PAX5: variants seen among roughly 807,000 people sequenced by gnomAD.
The protein encoded by PAX5 is paired box protein Pax-5.
PAX5 carries 9 observed loss-of-function variants against 43.7 expected under a neutral mutation model. The ratio of observed to expected loss-of-function variants is 0.21; its 90% CI spans 0.12 to 0.36. The LOEUF (loss-of-function observed/expected upper bound fraction) is 0.36. Ranked by LOEUF, PAX5 falls within the 10% of genes least tolerant of loss-of-function variation. The pLI is 1.00. For missense variants in PAX5, 383 were observed against 532.7 expected, an observed-to-expected ratio of 0.72 and a Z score of 2.77; for synonymous variants, 228 against 214.3, an observed-to-expected ratio of 1.06 and a Z score of -0.56.
At chr9:37,029,235 C>T (rs921777831) in intron 1 of PAX5, among the ~76,000 whole-genome samples, 1 of 152,184 alleles carries the variant, frequency 6.6e-6, no homozygotes, top group Non-Finnish European at 1.5e-5. Flanking sequence ...TTATTCTCTG[C>T]CTCGGTTTCC....
At chr9:37,010,287 G>A (rs1182565586) in intron 3 of PAX5, among the ~76,000 whole-genome samples, 5 of 152,104 alleles carry the variant, frequency 3.3e-5, no homozygotes, top group African/African-American at 9.7e-5. Context: ...CACACTAGAC[G>A]TTCCAACAGA....
At chr9:36,922,582 A>G (rs1057123810) in intron 7 of PAX5, 9 of 152,284 alleles carry the variant, frequency 5.9e-5, no homozygotes, top group African/African-American at 2.2e-4. Flanking sequence ...GTGACCTGCC[A>G]CAGGGAGAGG....
In PAX5 at chr9:36,840,355, T is replaced by C; in HGVS notation, c.*205A>G. The C allele has an allele frequency of 1.6e-6, 1 of 625,720 alleles. No homozygotes were observed. The highest frequency in any genetic ancestry group is 1.9e-5 in the South Asian group (1 of 52,796). The allele number at this position is 625,720 out of a possible 1,614,324, so 38.8% of individuals were successfully genotyped here. Reference sequence around the variant, plus strand: ...CGGGAGAAGCTCATAGATTGGCTTTTAGAAATAGACAAGCATCCAGAAGTC... The same window carrying C: ...CGGGAGAAGCTCATAGATTGGCTTTCAGAAATAGACAAGCATCCAGAAGTC... On this transcript the variant is annotated 3_prime_UTR_variant, in exon 10 of 10. Coordinates refer to ENST00000358127, the MANE Select transcript of PAX5 (RefSeq NM_016734.3).
chr9:36,885,614 G>A (rs926249555), intron 7 of PAX5, among the ~76,000 whole-genome samples: 3 of 152,122 alleles, frequency 2.0e-5, no homozygotes, highest in Non-Finnish European at 4.4e-5. Context: ...TAAAAAGCAA[G>A]GTTTCAAACC....
At chr9:36,856,266 C>A (rs1156347853) in intron 8 of PAX5, among the ~76,000 whole-genome samples, 4 of 152,230 alleles carry the variant, frequency 2.6e-5, no homozygotes, top group Admixed American at 6.5e-5. Context: ...TAGTGAAACA[C>A]CAGTCCCGAT....
rs1841297179 is a variant in PAX5 at position 37,034,098 on chromosome 9, C to CTTTCTTTTTTTTTTTTTTTT, written c.-68_-67insAAAAAAAAAAAAAAAAGAAA. On this transcript the variant is annotated 5_prime_UTR_variant, in exon 1 of 10. Transcript: ENST00000358127. ...TCCACTTTTTTGTGCCTTTTTTTTT[C>CTTTCTTTTTTTTTTTTTTTT]TTTTTTTTTTTTTTTTTTTTTTTTT... 1.1e-4 allele frequency: 34 copies of CTTTCTTTTTTTTTTTTTTTT among 320,104 alleles called. 1 individual carries two copies. In the African/African-American group the frequency reaches 1.4e-3, roughly 13 times the overall value. 19.8% of individuals were successfully genotyped at this position (320,104 alleles called of 1,614,324 possible).
chr9:36,911,224 G>A (rs541775555), intron 7 of PAX5, among the ~76,000 whole-genome samples: 2 of 152,286 alleles, frequency 1.3e-5, no homozygotes, highest in Admixed American at 6.5e-5. Flanking sequence ...GTGAGGGCAG[G>A]GACTGTCCAC....
intron 5 of PAX5, among the ~76,000 whole-genome samples, chr9:36,968,260 A>T (rs1290788302): frequency 6.6e-6 from 1 of 152,106 alleles, no homozygotes; most frequent in Non-Finnish European, 1.5e-5. Context: ...CCTAGACTAG[A>T]CTTCATCCGT....
chr9:36,835,819 T>C lies in PAX5; in HGVS notation c.*4741A>G, dbSNP rs1821602789. On this transcript the variant is annotated 3_prime_UTR_variant, in exon 10 of 10. Coordinates refer to ENST00000358127, the MANE Select transcript of PAX5 (RefSeq NM_016734.3). Reference sequence around the variant, plus strand: ...CGTAGTGGGGCCACCGTGGAGCCGGTCTAGCTCAGAGCCCTGTGGGATCCA... The same window carrying C: ...CGTAGTGGGGCCACCGTGGAGCCGGCCTAGCTCAGAGCCCTGTGGGATCCA... The C allele has an allele frequency of 1.3e-5, 3 of 233,168 alleles. No homozygotes were observed. The highest frequency in any genetic ancestry group is 2.5e-5 in the Non-Finnish European group (3 of 118,140). 14.4% of individuals were successfully genotyped at this position (233,168 alleles called of 1,614,324 possible).
chr9:36,838,487 G>C lies in PAX5; in HGVS notation c.*2073C>G, dbSNP rs1821799864. 4.3e-6 allele frequency: 1 copy of C among 232,604 alleles called. No homozygotes were observed. Among genetic ancestry groups the C allele is most frequent in the African/African-American group, 2.2e-5 (1 of 45,266 alleles). 14.4% of individuals were successfully genotyped at this position (232,604 alleles called of 1,614,324 possible). On this transcript the variant is annotated 3_prime_UTR_variant, in exon 10 of 10. Coordinates refer to ENST00000358127, the MANE Select transcript of PAX5 (RefSeq NM_016734.3). ...TTTCTCTTCTGTTCCACCACCCTGT[G>C]GGGGACTTAGGGAACAAAATACTTA...
In PAX5 at chr9:36,881,933, T is replaced by TG. The variant is rs552566484; in HGVS notation, c.1012+70dup. On this transcript the variant is annotated intron_variant, in intron 8 of 9. Transcript: ENST00000358127. ...AAGCGTAGAGGTCACCCAGGCTGTTTGGGGGGGGATGTCCCCCCACCGAAA... is the reference window on the plus strand; with the variant it reads ...AAGCGTAGAGGTCACCCAGGCTGTTTGGGGGGGGGATGTCCCCCCACCGAAA... 5.2e-4 allele frequency: 573 copies of TG among 1,107,502 alleles called. 1 individual carries two copies. The East Asian group carries it at 7.0e-3, about 14-fold the overall frequency. The allele number at this position is 1,107,502 out of a possible 1,614,324, so 68.6% of individuals were successfully genotyped here.
In PAX5 at chr9:36,839,241, C is replaced by T. The variant is rs1821856327; in HGVS notation, c.*1319G>A. 1 of 233,548 alleles carries T rather than the reference C, an allele frequency of 4.3e-6. No individual in the cohort carries two copies. Among genetic ancestry groups the T allele is most frequent in the African/African-American group, 2.2e-5 (1 of 45,366 alleles). The allele number at this position is 233,548 out of a possible 1,614,324, so 14.5% of individuals were successfully genotyped here. ...TCCCTGCTGGCTTCCTCTGACCACC[C>T]TAGCCCACAGTGAGTTCTCCAAGCT... On this transcript the variant is annotated 3_prime_UTR_variant, in exon 10 of 10. Coordinates refer to ENST00000358127, the MANE Select transcript of PAX5 (RefSeq NM_016734.3).
At chr9:36,859,831 G>C (rs113925925) in intron 8 of PAX5, among the ~76,000 whole-genome samples, 1 of 152,092 alleles carries the variant, frequency 6.6e-6, no homozygotes, top group Non-Finnish European at 1.5e-5. Context: ...TCAGGAGATC[G>C]AGACCATCCT....
chr9:36,931,613 C>T (rs916434885), intron 6 of PAX5, among the ~76,000 whole-genome samples: 1 of 152,158 alleles, frequency 6.6e-6, no homozygotes, highest in Non-Finnish European at 1.5e-5. Flanking sequence ...CTTTGGGAGG[C>T]TGAGGTGGGC....
chr9:37,003,863 A>G (rs1297215539), intron 4 of PAX5, among the ~76,000 whole-genome samples: 1 of 152,222 alleles, frequency 6.6e-6, no homozygotes, highest in East Asian at 1.9e-4. Context: ...AATAAAAGAG[A>G]CAGAGTGGTG....
Position 36,882,827 on chromosome 9 carries a change from G to A in PAX5, c.911-722C>T, listed in dbSNP as rs900101228. 6.6e-6 allele frequency among the ~76,000 whole-genome samples: 1 copy of A among 152,262 alleles called. No individual in the cohort carries two copies. Among genetic ancestry groups the A allele is most frequent in the Admixed American group, 6.5e-5 (1 of 15,292 alleles). Reference sequence around the variant, plus strand: ...CATGGGCGAGTGTCCAGCTCTTTCAGGCTGCTGTGCTTCTGACCATGAGTC... The same window carrying A: ...CATGGGCGAGTGTCCAGCTCTTTCAAGCTGCTGTGCTTCTGACCATGAGTC... On this transcript the variant is annotated intron_variant, in intron 7 of 9. Transcript: ENST00000358127. This position sits in a 1 kb window ranked among gnomAD's most constrained non-coding sequence, Gnocchi z 4.4.
At chr9:37,027,842 A>T in intron 1 of PAX5, among the ~76,000 whole-genome samples, 1 of 152,240 alleles carries the variant, frequency 6.6e-6, no homozygotes, top group East Asian at 1.9e-4. Context: ...AGCAGCCCAC[A>T]GGCTCCGCCT....
chr9:36,899,514 G>A (rs1828178291), intron 7 of PAX5, among the ~76,000 whole-genome samples: 1 of 152,186 alleles, frequency 6.6e-6, no homozygotes, highest in South Asian at 2.1e-4. Flanking sequence ...CTCAGTGCTA[G>A]GGATTTTGTG....
chr9:37,033,249 G>A (rs543601171), intron 1 of PAX5, among the ~76,000 whole-genome samples: 1 of 152,334 alleles, frequency 6.6e-6, no homozygotes, highest in African/African-American at 2.4e-5. Context: ...TCTCCCAATA[G>A]AATGGACACT....
Sources: gnomAD v4.1 joint callset for allele counts (sites outside exome capture counted in the v4.1 genomes callset) on GRCh38, gnomAD v4.1.1 for gene constraint, Gnocchi (gnomAD v3.1) non-coding constraint, MANE v1.5 for transcripts, NCBI Gene and HGNC (gene_info 2026-07-23, HGNC 2026-07-21) for gene names.